RNF32: variants seen among roughly 807,000 people sequenced by gnomAD.
RNF32 encodes the protein ring finger protein 32.
A neutral mutation model predicts 41.0 loss-of-function variants in RNF32; 36 were observed. The ratio of observed to expected loss-of-function variants is 0.88; its 90% CI spans 0.67 to 1.16. RNF32 has a LOEUF of 1.16. Ranked by LOEUF, RNF32 falls within the 50% of genes most tolerant of loss-of-function variation. The pLI, the probability that RNF32 is intolerant of heterozygous loss-of-function variation, is 0.00. For synonymous variants in RNF32, 154 were observed against 160.9 expected (o/e 0.96, Z 0.32); for missense variants, 413 against 436.7 (o/e 0.95, Z 0.48).
Position 156,675,869 on chromosome 7 carries a change from T to C in RNF32, c.852+6T>C. ...GGGAGAAAATCCAAGTGCAGGTAGG[T>C]TTGGCTGGCAGCCTGGCAACCAGCA... is the stretch of plus-strand genomic sequence containing the variant. On this transcript the variant is annotated splice_donor_region_variant and intron_variant, in intron 8 of 8. Coordinates refer to ENST00000317955, the MANE Select transcript of RNF32 (RefSeq NM_030936.4). 1.9e-6 allele frequency: 3 copies of C among 1,609,882 alleles called. 1 individual carries two copies. In the South Asian group the frequency reaches 3.3e-5, roughly 18 times the overall value.
At chr7:156,671,568 G>A (rs1049000795) in intron 7 of RNF32, among the ~76,000 whole-genome samples, 7 of 151,710 alleles carry the variant, frequency 4.6e-5, no homozygotes, top group South Asian at 2.1e-4. Flanking sequence ...ATCATAGGTC[G>A]AGACATTTAT....
intron 7 of RNF32, among the ~76,000 whole-genome samples, chr7:156,665,575 TTA>T (rs1284812758): frequency 1.2e-4 from 19 of 152,252 alleles, no homozygotes; most frequent in Admixed American, 1.3e-4. Context: ...CAAATTCATT[TTA>T]TTTTTAACCT....
At chr7:156,647,605 C>T (rs914576269) in intron 3 of RNF32, among the ~76,000 whole-genome samples, 1 of 152,138 alleles carries the variant, frequency 6.6e-6, no homozygotes, top group African/African-American at 2.4e-5. Flanking sequence ...AGGTTGGTTC[C>T]GTATCTTTGC....
At chr7:156,657,254 AAC>A (rs1456718117) in intron 4 of RNF32, among the ~76,000 whole-genome samples, 1 of 152,148 alleles carries the variant, frequency 6.6e-6, no homozygotes, top group African/African-American at 2.4e-5. Context: ...ATCTAAGGGA[AAC>A]TTTCATTTTG....
At chr7:156,654,379 C>T (rs144869147) in intron 3 of RNF32, 197 bp from the exon 4 acceptor site, 51 of 487,564 alleles carry the variant, frequency 1.0e-4, no homozygotes, top group African/African-American at 9.0e-4. Context: ...CATCTTCTAT[C>T]AGGGACTTGA....
chr7:156,660,435 A>G (rs931453727), intron 7 of RNF32: 3 of 316,616 alleles, frequency 9.5e-6, no homozygotes, highest in African/African-American at 6.8e-5. Context: ...CTTAAGCTGA[A>G]TATCTGTGAA....
chr7:156,654,286 G>C (rs1799264644), intron 3 of RNF32: 1 of 248,268 alleles, frequency 4.0e-6, no homozygotes. Flanking sequence ...TATTTACATA[G>C]CACTTGCATT....
At chr7:156,640,773 C>T (rs1797174511), upstream of RNF32, 16 of 259,118 alleles carry the variant, frequency 6.2e-5, no homozygotes, top group South Asian at 4.8e-4. Context: ...GGAAAAGGGG[C>T]AGACGTCCCT....
Position 156,656,180 on chromosome 7 carries a change from A to G in RNF32, c.418-1361A>G, listed in dbSNP as rs1799641238. 2.0e-5 allele frequency among the ~76,000 whole-genome samples: 3 copies of G among 152,260 alleles called. No homozygotes were observed. The East Asian group carries it at 5.8e-4, about 29-fold the overall frequency. ...CCATTTAGCAGATGAGGGAATAAAAACAATTCAAATGACTCATAGTAGGCC... is the reference window on the plus strand; with the variant it reads ...CCATTTAGCAGATGAGGGAATAAAAGCAATTCAAATGACTCATAGTAGGCC... On this transcript the variant is annotated intron_variant, in intron 4 of 8. Coordinates refer to ENST00000317955, the MANE Select transcript of RNF32 (RefSeq NM_030936.4).
In RNF32 at chr7:156,651,323, C is replaced by T. The variant is rs925377651; in HGVS notation, c.275-3253C>T. Among the ~76,000 whole-genome samples, 11 of 151,618 alleles carry T rather than the reference C, an allele frequency of 7.3e-5. No individual in the cohort carries two copies. The East Asian group carries it at 2.1e-3, about 30-fold the overall frequency. ...CCACCTCCCGGGTTCAAGCGATTCT[C>T]GTGCCTGAGCCTCCTGAGTAGCTGG... On this transcript the variant is annotated intron_variant, in intron 3 of 8. Transcript: ENST00000317955.
At chr7:156,646,671 T>TA (rs1241361369) in intron 3 of RNF32, 1 of 399,114 alleles carries the variant, frequency 2.5e-6, no homozygotes. Context: ...ATCCTTCACT[T>TA]ACATTTGTTG....
chr7:156,654,429 C>A, intron 3 of RNF32, 147 bp from the exon 4 acceptor site: 1 of 634,656 alleles, frequency 1.6e-6, no homozygotes. Context: ...CCTGTGGATA[C>A]CAATGGACAG....
At chr7:156,662,752 G>A (rs1382303801) in intron 7 of RNF32, among the ~76,000 whole-genome samples, 3 of 151,492 alleles carry the variant, frequency 2.0e-5, no homozygotes, top group South Asian at 4.2e-4. Flanking sequence ...AATAGCAAAC[G>A]TGGAAAGAAA....
Position 156,658,614 on chromosome 7 carries a change from G to C in RNF32, c.684+44G>C, listed in dbSNP as rs763173759. The C allele has an allele frequency of 3.8e-5, 50 of 1,326,526 alleles. No individual in the cohort carries two copies. In the South Asian group the frequency reaches 4.1e-4, roughly 11 times the overall value. The allele number at this position is 1,326,526 out of a possible 1,614,324, so 82.2% of individuals were successfully genotyped here. A position where few individuals can be genotyped will look rare whatever the true frequency, so the allele number is the denominator to read the frequency against. ...GTTCTCCAGATATGGTCTCCGTGCG[G>C]GTGGTTCACTTGGGGTCAGGAAGGC... On this transcript the variant is annotated intron_variant, in intron 7 of 8. Coordinates refer to ENST00000317955, the MANE Select transcript of RNF32 (RefSeq NM_030936.4).
At chr7:156,672,463 A>G (rs1033414123) in intron 7 of RNF32, among the ~76,000 whole-genome samples, 1 of 152,226 alleles carries the variant, frequency 6.6e-6, no homozygotes, top group African/African-American at 2.4e-5. Flanking sequence ...TGTCATCAAT[A>G]GGGCCACTTA....
In RNF32 at chr7:156,669,537, G is replaced by A. The variant is rs145316736; in HGVS notation, c.685-6159G>A. 5.3e-5 allele frequency among the ~76,000 whole-genome samples: 8 copies of A among 152,254 alleles called. No individual in the cohort carries two copies. The highest frequency in any genetic ancestry group is 1.9e-4 in the East Asian group (1 of 5,176). ...GGGGCAGGCTGGCAGAGTGTGAGCCGCTGGGCACAGGTGACCCTTCCAGGA... is the reference window on the plus strand; with the variant it reads ...GGGGCAGGCTGGCAGAGTGTGAGCCACTGGGCACAGGTGACCCTTCCAGGA... On this transcript the variant is annotated intron_variant, in intron 7 of 8. Transcript: ENST00000317955. The surrounding 1 kb of genome is among the most constrained non-coding windows in gnomAD (Gnocchi z 4.2).
rs1252135723 is a variant in RNF32, at chr7:156,670,961, A to AAG, written c.685-4724_685-4723dup. On this transcript the variant is annotated intron_variant, in intron 7 of 8. Transcript: ENST00000317955. This position sits in a 1 kb window ranked among gnomAD's most constrained non-coding sequence, Gnocchi z 4.3. ...CAAGAAAACTCATGTCTCAGGTTAA[A>AAG]AGAGAGAGAGAGCTTATGACAAAAA... Among the ~76,000 whole-genome samples the AAG allele has an allele frequency of 2.0e-5, 3 of 152,156 alleles. No homozygotes were observed. Among genetic ancestry groups the AAG allele is most frequent in the Non-Finnish European group, 4.4e-5 (3 of 68,018 alleles).
chr7:156,646,616 G>T, intron 3 of RNF32: 2 of 685,296 alleles, frequency 2.9e-6, no homozygotes, highest in Non-Finnish European at 4.3e-6. Flanking sequence ...GTATGTCCCT[G>T]ATAGGGGAGA....
chr7:156,653,663 G>A (rs1270428046), intron 3 of RNF32, among the ~76,000 whole-genome samples: 2 of 152,208 alleles, frequency 1.3e-5, no homozygotes, highest in East Asian at 1.9e-4. Flanking sequence ...GGTGAACTTC[G>A]CTTCCTGCAT....
Sources: allele counts gnomAD v4.1 joint callset (sites outside exome capture counted in the v4.1 genomes callset), GRCh38; gene constraint gnomAD v4.1.1; non-coding constraint Gnocchi (gnomAD v3.1); transcripts MANE v1.5; gene names NCBI Gene and HGNC (gene_info 2026-07-23, HGNC 2026-07-21).